Variants in DNAJB12 observed in about 807,000 individuals in gnomAD.
DNAJB12 encodes dnaJ homolog subfamily B member 12.
DNAJB12 carries 14 observed loss-of-function variants against 40.6 expected under a neutral mutation model. The ratio of observed to expected loss-of-function variants is 0.34; its 90% CI spans 0.23 to 0.54. DNAJB12 has a LOEUF of 0.54. DNAJB12 is among the 20% of genes least tolerant of loss of function. DNAJB12 has a pLI of 0.92. For synonymous variants in DNAJB12, 181 were observed against 199.5 expected (o/e 0.91, Z 0.78); for missense variants, 444 against 501.7 (o/e 0.89, Z 1.10).
At chr10:72,351,611 C>T (rs1225576199) in intron 1 of DNAJB12, among the ~76,000 whole-genome samples, 1 of 152,262 alleles carries the variant, frequency 6.6e-6, no homozygotes, top group African/African-American at 2.4e-5. Context: ...CTGCCCTCTC[C>T]GGGGACTGCC....
At chr10:72,349,360 A>T (rs1861877841) in intron 1 of DNAJB12, among the ~76,000 whole-genome samples, 1 of 151,616 alleles carries the variant, frequency 6.6e-6, no homozygotes, top group Non-Finnish European at 1.5e-5. Flanking sequence ...GTAGCGGGGG[A>T]GCTCCAAGGC....
intron 5 of DNAJB12, among the ~76,000 whole-genome samples, chr10:72,338,677 T>G (rs576431581): frequency 6.6e-6 from 1 of 152,232 alleles, no homozygotes; most frequent in South Asian, 2.1e-4. Context: ...TATTACCAAT[T>G]TAAACATTAT....
At position 72,345,094 on chromosome 10, in the gene DNAJB12, G is replaced by C; in HGVS notation, c.167C>G (p.Thr56Ser). 6.2e-7 allele frequency: 1 copy of C among 1,613,798 alleles called. No individual in the cohort carries two copies. Among genetic ancestry groups the C allele is most frequent in the Non-Finnish European group, 8.5e-7 (1 of 1,179,768 alleles). ...TGTGGGTGGGGGTTGGTCACCGGCA[G>C]TCTGTGGTTTCTGGTTGAGGGACTC... ...LIESLNQKPQ[T>S]AGDQPPPTDT... Residue 56 changes from threonine to serine, a missense_variant, in exon 2 of 9, where the codon ACT becomes AGT. By Grantham distance (58) the Thr-to-Ser change is moderately conservative. Coordinates refer to ENST00000444643, the MANE Select transcript of DNAJB12 (RefSeq NM_017626.7).
At chr10:72,340,689 C>T in intron 5 of DNAJB12, 100 bp downstream of exon 5, 1 of 1,212,518 alleles carries the variant, frequency 8.2e-7, no homozygotes, top group South Asian at 1.3e-5. Context: ...CTGCTGGTCC[C>T]AGAATGGACA....
intron 2 of DNAJB12, 46 bp from the exon 3 acceptor site, chr10:72,343,557 G>T: frequency 6.2e-7 from 1 of 1,603,792 alleles, no homozygotes. Flanking sequence ...ACATGGGTCT[G>T]TGTGAGGGGG....
intron 8 of DNAJB12, chr10:72,334,978 CAGA>C (rs920884644): frequency 3.3e-5 from 37 of 1,119,194 alleles, no homozygotes; most frequent in African/African-American, 2.1e-4. Flanking sequence ...CGCCGGGCTG[CAGA>C]AGGAGGGAGC....
At chr10:72,342,229 C>T (rs1352239799) in intron 3 of DNAJB12, among the ~76,000 whole-genome samples, 2 of 152,218 alleles carry the variant, frequency 1.3e-5, no homozygotes, top group East Asian at 3.8e-4. Flanking sequence ...CACCAGGGCC[C>T]CCTAGCCGGG....
At chr10:72,345,176 G>A (rs764397823) in intron 1 of DNAJB12, 49 bp from the exon 2 acceptor site, 66 of 1,549,858 alleles carry the variant, frequency 4.3e-5, no homozygotes, top group Admixed American at 9.6e-5. Context: ...AGCAGGCTGC[G>A]TGCCTCGCCG....
intron 1 of DNAJB12, among the ~76,000 whole-genome samples, chr10:72,346,455 A>G (rs559951078): frequency 6.6e-6 from 1 of 152,226 alleles, no homozygotes; most frequent in South Asian, 2.1e-4. Flanking sequence ...CCTCCCTAGT[A>G]GCTGGGATTA....
Position 72,334,806 on chromosome 10 carries a change from G to C in DNAJB12, c.*31-189C>G, listed in dbSNP as rs1049637178. On this transcript the variant is annotated intron_variant, in intron 8 of 8. Transcript: ENST00000444643. ...GGCAGGCACAAATGGCCTCCAGGCAGAGTCAGCCATGGATCCAGGCCGGGA... is the reference window on the plus strand; with the variant it reads ...GGCAGGCACAAATGGCCTCCAGGCACAGTCAGCCATGGATCCAGGCCGGGA... 3.6e-6 allele frequency: 5 copies of C among 1,382,326 alleles called. No individual in the cohort carries two copies. In the East Asian group the frequency reaches 1.2e-4, roughly 33 times the overall value. The allele number at this position is 1,382,326 out of a possible 1,614,324, so 85.6% of individuals were successfully genotyped here. A position where few individuals can be genotyped will look rare whatever the true frequency, so the allele number is the denominator to read the frequency against.
rs1861445693 is a variant in DNAJB12, at chr10:72,335,510, C to T, written c.*30+270G>A. 8.5e-7 allele frequency: 1 copy of T among 1,181,182 alleles called. No homozygotes were observed. Among genetic ancestry groups the T allele is most frequent in the African/African-American group, 1.6e-5 (1 of 63,242 alleles). 73.2% of individuals were successfully genotyped at this position (1,181,182 alleles called of 1,614,324 possible). A position where few individuals can be genotyped will look rare whatever the true frequency, so the allele number is the denominator to read the frequency against. ...CCTCAGCAACAGTTTCAAGTTCCCACTCTGCCTGGTTCTGGGGTCCCCCAC... is the reference window on the plus strand; with the variant it reads ...CCTCAGCAACAGTTTCAAGTTCCCATTCTGCCTGGTTCTGGGGTCCCCCAC... On this transcript the variant is annotated intron_variant, in intron 8 of 8. Coordinates refer to ENST00000444643, the MANE Select transcript of DNAJB12 (RefSeq NM_017626.7). The surrounding 1 kb of genome is among the most constrained non-coding windows in gnomAD (Gnocchi z 4.4).
chr10:72,340,524 G>T (rs1001258842), intron 5 of DNAJB12, among the ~76,000 whole-genome samples: 2 of 152,354 alleles, frequency 1.3e-5, no homozygotes, highest in Non-Finnish European at 2.9e-5. Context: ...CTGGCTGTGG[G>T]TGGGGTTTCT....
chr10:72,339,447 T>G (rs1047292311), intron 5 of DNAJB12, among the ~76,000 whole-genome samples: 2 of 151,506 alleles, frequency 1.3e-5, no homozygotes, highest in African/African-American at 2.4e-5. Flanking sequence ...GACAGGAGAA[T>G]CACTTGAACC....
chr10:72,348,010 G>A (rs1032852928), intron 1 of DNAJB12, among the ~76,000 whole-genome samples: 1 of 151,306 alleles, frequency 6.6e-6, no homozygotes, highest in Non-Finnish European at 1.5e-5. Context: ...GATCGCCTGA[G>A]GTCAGGAGTT....
At chr10:72,354,631 A>C (rs1862018016) in intron 1 of DNAJB12, 134 bp downstream of exon 1, 5 of 805,082 alleles carry the variant, frequency 6.2e-6, no homozygotes, top group Middle Eastern at 3.8e-4. Flanking sequence ...CCCAGCAGCC[A>C]CCGCGCGCCT....
chr10:72,334,790 A>G (rs1410222055), intron 8 of DNAJB12, 173 bp from the exon 9 acceptor site: 2 of 1,387,920 alleles, frequency 1.4e-6, no homozygotes, highest in Admixed American at 6.9e-5. Context: ...AGGCAGGCAC[A>G]AATGGCCTCC....
intron 5 of DNAJB12, among the ~76,000 whole-genome samples, chr10:72,340,234 C>T (rs1165331001): frequency 6.6e-6 from 1 of 151,810 alleles, no homozygotes; most frequent in Non-Finnish European, 1.5e-5. Context: ...ATCCCAGTTA[C>T]TCGGGAGGCT....
At position 72,334,503 on chromosome 10, in the gene DNAJB12, C is replaced by T. The variant is rs1174350917; in HGVS notation, c.*145G>A. On this transcript the variant is annotated 3_prime_UTR_variant, in exon 9 of 9. Coordinates refer to ENST00000444643, the MANE Select transcript of DNAJB12 (RefSeq NM_017626.7). ...GGTGAGAGAGAGGGCAGCTGTGCAG[C>T]GTTCGGCCTCCAATTCCATTTTAAT... is the stretch of plus-strand genomic sequence containing the variant. 2.6e-5 allele frequency: 37 copies of T among 1,450,610 alleles called. No individual in the cohort carries two copies. Among genetic ancestry groups the T allele is most frequent in the Non-Finnish European group, 3.4e-5 (36 of 1,069,532 alleles). The allele number at this position is 1,450,610 out of a possible 1,614,324, so 89.9% of individuals were successfully genotyped here.
chr10:72,347,243 G>T (rs1377968879), intron 1 of DNAJB12, among the ~76,000 whole-genome samples: 1 of 152,216 alleles, frequency 6.6e-6, no homozygotes, highest in African/African-American at 2.4e-5. Flanking sequence ...TTACAGGCAT[G>T]AGCCACTGTG....
Sources: gnomAD v4.1 joint callset for allele counts (sites outside exome capture counted in the v4.1 genomes callset) on GRCh38, gnomAD v4.1.1 for gene constraint, Gnocchi (gnomAD v3.1) non-coding constraint, MANE v1.5 for transcripts, NCBI Gene and HGNC (gene_info 2026-07-23, HGNC 2026-07-21) for gene names.